The following TMEM123 variants were observed in gnomAD, a reference collection of about 807,000 sequenced individuals.
TMEM123 encodes the protein transmembrane protein 123.
A neutral mutation model predicts 19.7 loss-of-function variants in TMEM123; 16 were observed. The observed-to-expected ratio is 0.81, with a 90% CI of 0.55 to 1.23. The LOEUF is 1.23. Ranked by LOEUF, TMEM123 falls within the 50% of genes most tolerant of loss-of-function variation. The pLI, the probability that TMEM123 is intolerant of heterozygous loss-of-function variation, is 0.00. For missense variants in TMEM123, 313 were observed against 257.8 expected (o/e 1.21, Z -1.47); for synonymous variants, 118 against 99.4 (o/e 1.19, Z -1.12).
At chr11:102,401,413 T>G in intron 4 of TMEM123, 126 bp downstream of exon 4, 1 of 855,686 alleles carries the variant, frequency 1.2e-6, no homozygotes, top group Non-Finnish European at 1.6e-6. Context: ...AAAGGGTTAA[T>G]GGGAATATAA....
chr11:102,433,176 A>C (rs1024198994), intron 2 of TMEM123, among the ~76,000 whole-genome samples: 1 of 151,768 alleles, frequency 6.6e-6, no homozygotes, highest in African/African-American at 2.4e-5. Context: ...AGAATGGTAG[A>C]CCCATCAACA....
intron 2 of TMEM123, among the ~76,000 whole-genome samples, chr11:102,440,436 T>C (rs958058601): frequency 1.6e-4 from 24 of 152,206 alleles, no homozygotes; most frequent in African/African-American, 5.8e-4. Context: ...CAGAATTTCA[T>C]ATCCAGCCAA....
chr11:102,442,557 G>C (rs904990616), intron 2 of TMEM123, among the ~76,000 whole-genome samples: 1 of 152,088 alleles, frequency 6.6e-6, no homozygotes, highest in African/African-American at 2.4e-5. Flanking sequence ...AAAATAATAA[G>C]AGCTATTTAT....
chr11:102,451,812 G>C (rs1036022584), intron 1 of TMEM123, among the ~76,000 whole-genome samples: 12 of 152,192 alleles, frequency 7.9e-5, no homozygotes, highest in African/African-American at 2.9e-4. Flanking sequence ...CCTTACTAGC[G>C]ACGACAAGGG....
At chr11:102,439,026 A>T (rs965115152) in intron 2 of TMEM123, among the ~76,000 whole-genome samples, 3 of 152,228 alleles carry the variant, frequency 2.0e-5, no homozygotes, top group Admixed American at 1.3e-4. Context: ...GCAAGGCCGC[A>T]GCGAGGCTGG....
At chr11:102,430,519 A>ATT in intron 2 of TMEM123, among the ~76,000 whole-genome samples, 1 of 152,348 alleles carries the variant, frequency 6.6e-6, no homozygotes, top group East Asian at 1.9e-4. Context: ...AAGCTTGAGC[A>ATT]ATCTAAAGGC....
intron 2 of TMEM123, chr11:102,448,394 G>A (rs967211038): frequency 1.9e-5 from 8 of 421,806 alleles, no homozygotes; most frequent in Admixed American, 1.7e-4. Context: ...TGAAATGTAA[G>A]TAGGGTCTCC....
At chr11:102,411,150 C>T (rs1372404125) in intron 2 of TMEM123, among the ~76,000 whole-genome samples, 1 of 152,110 alleles carries the variant, frequency 6.6e-6, no homozygotes, top group Non-Finnish European at 1.5e-5. Context: ...GGATGGGCTC[C>T]TCACCAGAAA....
chr11:102,420,771 A>C (rs751985492), intron 2 of TMEM123, among the ~76,000 whole-genome samples: 9 of 152,108 alleles, frequency 5.9e-5, no homozygotes, highest in Non-Finnish European at 1.3e-4. Context: ...AAGAATGATA[A>C]AACTAGGGGG....
intron 1 of TMEM123, among the ~76,000 whole-genome samples, chr11:102,451,035 T>C (rs960769138): frequency 3.9e-5 from 6 of 152,228 alleles, no homozygotes; most frequent in Non-Finnish European, 5.9e-5. Flanking sequence ...TGGTTGGTTA[T>C]ACTAGTTTAT....
intron 1 of TMEM123, 59 bp downstream of exon 1, chr11:102,452,465 A>C: frequency 7.4e-7 from 1 of 1,350,796 alleles, no homozygotes; most frequent in Non-Finnish European, 9.7e-7. Context: ...TTGGGAACCC[A>C]AGCCTCGGCA....
At chr11:102,452,420 A>C in intron 1 of TMEM123, 104 bp downstream of exon 1, 9 of 998,344 alleles carry the variant, frequency 9.0e-6, no homozygotes, top group South Asian at 2.7e-5. Flanking sequence ...GCGTTCGGCC[A>C]GACACACGCG....
In TMEM123 at chr11:102,448,693, G is replaced by GT. The variant is rs531564060; in HGVS notation, c.157+118dup. The GT allele has an allele frequency of 1.7e-4, 147 of 889,058 alleles. No individual in the cohort carries two copies. In the African/African-American group the frequency reaches 2.4e-3, roughly 14 times the overall value. The allele number at this position is 889,058 out of a possible 1,614,324, so 55.1% of individuals were successfully genotyped here. ...TAGGGCAGGTTATTGGGATTCATGG[G>GT]TGAAGAACTCAGGGTTAAAACAGGT... On this transcript the variant is annotated intron_variant, in intron 2 of 4. Transcript: ENST00000398136.
chr11:102,403,202 G>A (rs1462092272), intron 2 of TMEM123, among the ~76,000 whole-genome samples: 2 of 152,264 alleles, frequency 1.3e-5, no homozygotes, highest in Non-Finnish European at 2.9e-5. Context: ...TAGAGACAAG[G>A]TTTTACCATG....
chr11:102,448,726 C>G (rs1857908509), intron 2 of TMEM123, 86 bp downstream of exon 2: 1 of 1,346,878 alleles, frequency 7.4e-7, no homozygotes, highest in Non-Finnish European at 1.1e-6. Context: ...GGTCAGTGAA[C>G]CAGCTTATGC....
chr11:102,411,068 A>G (rs1952000000), intron 2 of TMEM123, among the ~76,000 whole-genome samples: 2 of 150,932 alleles, frequency 1.3e-5, no homozygotes, highest in Admixed American at 6.6e-5. Context: ...ATTCATGAGG[A>G]CCCCCCCTTT....
intron 1 of TMEM123, among the ~76,000 whole-genome samples, chr11:102,451,899 AGG>A (rs1453909554): frequency 6.6e-6 from 1 of 152,170 alleles, no homozygotes; most frequent in Non-Finnish European, 1.5e-5. Context: ...ATGGCACACG[AGG>A]GGTGGAGAGC....
chr11:102,401,616 T>C lies in TMEM123; in HGVS notation c.525A>G (p.Leu175=), dbSNP rs770449764. The C allele has an allele frequency of 5.0e-6, 8 of 1,608,694 alleles. No individual in the cohort carries two copies. In the South Asian group the frequency reaches 8.9e-5, roughly 18 times the overall value. The change falls in exon 4 of 5, where the codon TTA becomes TTG. Residue 175 remains leucine, a synonymous_variant. Transcript: ENST00000398136. ...DTGSFVGGIV[L]TLGVLSILYI... ...AAAGAATAGATAAAACTCCCAGCGT[T>C]AATACAATACCACCAACAAAGCTCC...
At chr11:102,445,320 T>G (rs932017333) in intron 2 of TMEM123, among the ~76,000 whole-genome samples, 48 of 149,936 alleles carry the variant, frequency 3.2e-4, no homozygotes, top group African/African-American at 1.2e-3. Context: ...AAAACTAGTA[T>G]TGATATCTCT....
Sources: gnomAD v4.1 joint callset for allele counts (sites outside exome capture counted in the v4.1 genomes callset) on GRCh38, gnomAD v4.1.1 for gene constraint, MANE v1.5 for transcripts, NCBI Gene and HGNC (gene_info 2026-07-23, HGNC 2026-07-21) for gene names.